GALNTL6: variants seen among roughly 807,000 people sequenced by gnomAD.
GALNTL6 encodes the protein polypeptide N-acetylgalactosaminyltransferase-like 6.
In GALNTL6, 46 loss-of-function variants were observed where a neutral mutation model predicts 73.7. The ratio of observed to expected loss-of-function variants is 0.62; its 90% CI spans 0.49 to 0.80. The LOEUF (loss-of-function observed/expected upper bound fraction) is 0.80, where lower values mean the gene tolerates loss of function less well. Among genes scored for constraint, GALNTL6 ranks in the 30% least tolerant of loss-of-function variants. The probability of loss-of-function intolerance (pLI) is 0.00; values close to 1 mark genes in which losing one functional copy is unlikely to be tolerated. For synonymous variants in GALNTL6, 259 were observed against 263.7 expected (o/e 0.98, Z 0.17); for missense variants, 604 against 755.0 (o/e 0.80, Z 2.34).
chr4:172,828,009 C>T (rs1430573805), intron 7 of GALNTL6, among the ~76,000 whole-genome samples: 6 of 151,942 alleles, frequency 3.9e-5, no homozygotes, highest in Non-Finnish European at 5.9e-5. Context: ...TGGTGGCTCA[C>T]GCCTGTAATC....
intron 12 of GALNTL6, among the ~76,000 whole-genome samples, chr4:173,022,626 A>G (rs1753063111): frequency 6.6e-6 from 1 of 152,238 alleles, no homozygotes; most frequent in African/African-American, 2.4e-5. Flanking sequence ...CTATGTAGAT[A>G]TAATTGCTGC....
At chr4:172,669,797 T>A (rs1056130986) in intron 5 of GALNTL6, among the ~76,000 whole-genome samples, 1 of 152,204 alleles carries the variant, frequency 6.6e-6, no homozygotes, top group Admixed American at 6.5e-5. Flanking sequence ...TTAGTTATTT[T>A]TCCTTCTCGT....
intron 5 of GALNTL6, among the ~76,000 whole-genome samples, chr4:172,808,936 A>T (rs1260938676): frequency 3.9e-5 from 6 of 152,172 alleles, no homozygotes; most frequent in African/African-American, 1.4e-4. Context: ...GTTGTTTTAC[A>T]TATATTATTT....
chr4:171,975,389 T>C (rs1226362400), intron 2 of GALNTL6, among the ~76,000 whole-genome samples: 1 of 152,166 alleles, frequency 6.6e-6, no homozygotes, highest in Non-Finnish European at 1.5e-5. Context: ...AACACTATTA[T>C]TACTGAGTGG....
chr4:172,117,189 C>T (rs1415992850), intron 2 of GALNTL6, among the ~76,000 whole-genome samples: 36 of 152,136 alleles, frequency 2.4e-4, no homozygotes, highest in Admixed American at 2.4e-3. Context: ...CTCACATCCA[C>T]ACAGATATCT....
intron 5 of GALNTL6, among the ~76,000 whole-genome samples, chr4:172,394,618 G>C (rs927218906): frequency 3.9e-5 from 6 of 151,966 alleles, no homozygotes; most frequent in African/African-American, 1.5e-4. Flanking sequence ...TTTTAGTAGA[G>C]ATGGGGTTTC....
chr4:172,399,424 T>C (rs1743962177), intron 5 of GALNTL6, among the ~76,000 whole-genome samples: 2 of 152,056 alleles, frequency 1.3e-5, no homozygotes, highest in African/African-American at 4.8e-5. Flanking sequence ...ATACTTTTAG[T>C]ACAAATTGTC....
Position 172,594,871 on chromosome 4 carries a change from C to T in GALNTL6, c.554-214490C>T, listed in dbSNP as rs555000434. On this transcript the variant is annotated intron_variant, in intron 5 of 12. Transcript: ENST00000506823. ...TCCTTATTGGATGTCTCAGTCTGTT[C>T]TAGCTGCTATAACAAAGTACCATAG... Among the ~76,000 whole-genome samples the T allele has an allele frequency of 2.0e-5, 3 of 152,272 alleles. No individual in the cohort carries two copies. The East Asian group carries it at 5.8e-4, about 29-fold the overall frequency.
intron 2 of GALNTL6, among the ~76,000 whole-genome samples, chr4:172,093,328 A>G (rs1439649618): frequency 1.3e-5 from 2 of 151,972 alleles, no homozygotes; most frequent in East Asian, 3.9e-4. Context: ...TATCTATACC[A>G]TTGTATCTTT....
chr4:171,897,328 T>A (rs1736951579), intron 2 of GALNTL6, among the ~76,000 whole-genome samples: 1 of 152,268 alleles, frequency 6.6e-6, no homozygotes, highest in East Asian at 1.9e-4. Context: ...AAATTGACAA[T>A]CTTTAAATAA....
chr4:171,895,880 G>A (rs1388514042), intron 2 of GALNTL6, among the ~76,000 whole-genome samples: 1 of 151,316 alleles, frequency 6.6e-6, no homozygotes, highest in African/African-American at 2.4e-5. Context: ...AAGACCAAAT[G>A]TATCTTGATT....
At chr4:172,642,197 A>G (rs1349333353) in intron 5 of GALNTL6, among the ~76,000 whole-genome samples, 1 of 152,042 alleles carries the variant, frequency 6.6e-6, no homozygotes, top group Non-Finnish European at 1.5e-5. Flanking sequence ...AAAAAAAACT[A>G]TCATATGATC....
chr4:172,749,767 A>G (rs766223445), intron 5 of GALNTL6, among the ~76,000 whole-genome samples: 1 of 152,012 alleles, frequency 6.6e-6, no homozygotes, highest in Non-Finnish European at 1.5e-5. Context: ...GCATCTTAAT[A>G]TTATTCAATC....
chr4:172,476,872 A>G (rs1384644555), intron 5 of GALNTL6, among the ~76,000 whole-genome samples: 2 of 151,856 alleles, frequency 1.3e-5, no homozygotes, highest in Admixed American at 1.3e-4. Context: ...CAAATAGTAC[A>G]TTCTATTTAT....
intron 5 of GALNTL6, among the ~76,000 whole-genome samples, chr4:172,377,360 G>A (rs1175397417): frequency 2.0e-5 from 3 of 152,152 alleles, no homozygotes; most frequent in Admixed American, 6.5e-5. Context: ...GCTGATTGGT[G>A]TGTTTACAAA....
At chr4:172,007,986 T>A (rs11941516) in intron 2 of GALNTL6, among the ~76,000 whole-genome samples, 28,791 of 152,020 alleles carry the variant, frequency 0.19, 2,895 homozygotes, top group Middle Eastern at 0.28. Flanking sequence ...TTTTCTGCTG[T>A]GTCTAGACAT....
chr4:172,539,424 G>A (rs542868419), intron 5 of GALNTL6, among the ~76,000 whole-genome samples: 2 of 152,254 alleles, frequency 1.3e-5, no homozygotes, highest in South Asian at 2.1e-4. Flanking sequence ...TCATCACTCA[G>A]TATAATTCTT....
chr4:172,475,677 G>T (rs1488848005), intron 5 of GALNTL6, among the ~76,000 whole-genome samples: 1 of 152,186 alleles, frequency 6.6e-6, no homozygotes, highest in Non-Finnish European at 1.5e-5. Flanking sequence ...TAAGGGATCT[G>T]AATTAATAGA....
At position 172,282,180 on chromosome 4, in the gene GALNTL6, G is replaced by C. The variant is rs115592360; in HGVS notation, c.248-29434G>C. Among the ~76,000 whole-genome samples, 1,507 of 152,202 alleles carry C rather than the reference G, an allele frequency of 9.9e-3. 24 individuals carry two copies. Among genetic ancestry groups the C allele is most frequent in the African/African-American group, 0.034 (1,395 of 41,528 alleles). On this transcript the variant is annotated intron_variant, in intron 3 of 12. Transcript: ENST00000506823. The stretch of plus-strand genomic sequence containing the variant: ...ATATTTTAGGAACTCCTACAAATCA[G>C]TATGAAAACAATAGATAATCCCAGA...
Sources: gnomAD v4.1 joint callset for allele counts (sites outside exome capture counted in the v4.1 genomes callset) on GRCh38, gnomAD v4.1.1 for gene constraint, MANE v1.5 for transcripts, NCBI Gene and HGNC (gene_info 2026-07-23, HGNC 2026-07-21) for gene names.